LRMDA: variants seen among roughly 807,000 people sequenced by gnomAD.
The protein encoded by LRMDA is leucine-rich melanocyte differentiation-associated protein.
A neutral mutation model predicts 29.8 loss-of-function variants in LRMDA; 18 were observed. That is an observed-to-expected ratio of 0.60 (90% CI 0.42 to 0.90). LRMDA has a LOEUF of 0.90. Ranked by LOEUF, LRMDA falls within the 40% of genes least tolerant of loss-of-function variation. The pLI, the probability that LRMDA is intolerant of heterozygous loss-of-function variation, is 0.00. For synonymous variants in LRMDA, 125 were observed against 109.4 expected (o/e 1.14, Z -0.89); for missense variants, 273 against 273.9 (o/e 1.00, Z 0.02).
chr10:75,833,849 A>G lies in LRMDA; in HGVS notation c.132-202159A>G, dbSNP rs145682014. On this transcript the variant is annotated intron_variant, in intron 2 of 6. Coordinates refer to ENST00000611255, the MANE Select transcript of LRMDA (RefSeq NM_001305581.2). ...TTATAGACATTCCATTTTAAAAGGG[A>G]TACAGTGAAAGGGAAAAGGAGTCAG... Among the ~76,000 whole-genome samples the G allele has an allele frequency of 2.4e-3, 362 of 152,248 alleles. 3 individuals carry two copies. Among genetic ancestry groups the G allele is most frequent in the African/African-American group, 8.4e-3 (349 of 41,542 alleles).
chr10:76,007,343 G>A (rs1185852999), intron 2 of LRMDA, among the ~76,000 whole-genome samples: 4 of 151,888 alleles, frequency 2.6e-5, no homozygotes, highest in Non-Finnish European at 5.9e-5. Flanking sequence ...CATCCTTTAG[G>A]AGACCGCTGT....
chr10:75,732,277 T>C (rs750950333), intron 2 of LRMDA, among the ~76,000 whole-genome samples: 2 of 152,168 alleles, frequency 1.3e-5, no homozygotes, highest in Non-Finnish European at 2.9e-5. Flanking sequence ...AGCATGCCTA[T>C]GTTTGGAAAG....
intron 2 of LRMDA, among the ~76,000 whole-genome samples, chr10:75,550,389 A>G (rs1041401082): frequency 6.6e-6 from 1 of 152,168 alleles, no homozygotes; most frequent in African/African-American, 2.4e-5. Context: ...ATGCATACAT[A>G]TACATTAGTT....
At chr10:75,443,562 G>A (rs148271880) in intron 2 of LRMDA, among the ~76,000 whole-genome samples, 1 of 152,142 alleles carries the variant, frequency 6.6e-6, no homozygotes, top group Non-Finnish European at 1.5e-5. Flanking sequence ...AATCCCACTT[G>A]ATGATGGTGC....
chr10:75,874,575 C>T (rs1248505736), intron 2 of LRMDA, among the ~76,000 whole-genome samples: 1 of 152,022 alleles, frequency 6.6e-6, no homozygotes, highest in Non-Finnish European at 1.5e-5. Flanking sequence ...AAACTGAGGC[C>T]CAAGGATTTT....
At chr10:76,506,284 T>G (rs371867687) in intron 6 of LRMDA, among the ~76,000 whole-genome samples, 8 of 152,310 alleles carry the variant, frequency 5.3e-5, no homozygotes, top group Admixed American at 2.6e-4. Context: ...TCTTGGCCAA[T>G]TTAATATAAT....
At chr10:75,910,274 G>T (rs1332166142) in intron 2 of LRMDA, among the ~76,000 whole-genome samples, 1 of 152,120 alleles carries the variant, frequency 6.6e-6, no homozygotes, top group African/African-American at 2.4e-5. Flanking sequence ...AGATGAGTTG[G>T]AATAACATCA....
intron 2 of LRMDA, among the ~76,000 whole-genome samples, chr10:75,630,752 C>A (rs1015277191): frequency 2.6e-5 from 4 of 152,230 alleles, no homozygotes; most frequent in Non-Finnish European, 5.9e-5. Flanking sequence ...GCAGTCTTCT[C>A]TTCATTTCTC....
At chr10:76,404,603 C>T (rs1351725750) in intron 6 of LRMDA, among the ~76,000 whole-genome samples, 1 of 152,172 alleles carries the variant, frequency 6.6e-6, no homozygotes, top group African/African-American at 2.4e-5. Context: ...AGTCTGTTCC[C>T]TTGCTATATT....
Position 76,343,813 on chromosome 10 carries a change from A to ATTTT in LRMDA, c.601+19345_601+19348dup, listed in dbSNP as rs5786231. On this transcript the variant is annotated intron_variant, in intron 6 of 6. Coordinates refer to ENST00000611255, the MANE Select transcript of LRMDA (RefSeq NM_001305581.2). Reference sequence around the variant, plus strand: ...TATAAAAGTTTCATGTTTACAGGTGATTTTTTTTTTTTTTTTTTTTGTGAG... The same window carrying ATTTT: ...TATAAAAGTTTCATGTTTACAGGTGATTTTTTTTTTTTTTTTTTTTTTTTGTGAG... Among the ~76,000 whole-genome samples the ATTTT allele has an allele frequency of 2.1e-4, 26 of 126,636 alleles. No homozygotes were observed. In the South Asian group the frequency reaches 2.1e-3, roughly 10 times the overall value. 83.1% of individuals were successfully genotyped at this position (126,636 alleles called of 152,430 possible). A position where few individuals can be genotyped will look rare whatever the true frequency, so the allele number is the denominator to read the frequency against.
chr10:76,347,614 C>A (rs376400994), intron 6 of LRMDA, among the ~76,000 whole-genome samples: 4 of 152,110 alleles, frequency 2.6e-5, no homozygotes, highest in Admixed American at 6.5e-5. Context: ...GGAAAATAGA[C>A]CCCTAAAAAT....
At chr10:76,547,488 TGCC>T (rs925334428) in intron 6 of LRMDA, among the ~76,000 whole-genome samples, 10 of 151,882 alleles carry the variant, frequency 6.6e-5, no homozygotes, top group South Asian at 2.1e-4. Context: ...CCTGAATAGT[TGCC>T]GCCATTTATT....
At chr10:75,479,717 G>A (rs897526106) in intron 2 of LRMDA, among the ~76,000 whole-genome samples, 33 of 148,160 alleles carry the variant, frequency 2.2e-4, no homozygotes, top group Middle Eastern at 3.5e-3. Context: ...AGTGAGGAGA[G>A]TTGGCCAAGT....
At chr10:75,489,226 T>TAAAAAA (rs33952475) in intron 2 of LRMDA, among the ~76,000 whole-genome samples, 5 of 132,074 alleles carry the variant, frequency 3.8e-5, no homozygotes, top group Non-Finnish European at 7.9e-5. Context: ...GGATTTTTAG[T>TAAAAAA]AAAAAAAAAA....
intron 2 of LRMDA, among the ~76,000 whole-genome samples, chr10:75,763,698 A>ATT (rs58980040): frequency 2.2e-4 from 31 of 141,856 alleles, no homozygotes; most frequent in Admixed American, 1.8e-3. Flanking sequence ...AATCAGGACA[A>ATT]TTTTTTTTTT....
intron 6 of LRMDA, among the ~76,000 whole-genome samples, chr10:76,549,019 C>A (rs1372942463): frequency 1.3e-5 from 2 of 152,170 alleles, no homozygotes; most frequent in Non-Finnish European, 2.9e-5. Flanking sequence ...CTTGGACCAG[C>A]TTTTCCATTT....
chr10:75,458,333 C>T (rs1182437384), intron 2 of LRMDA, among the ~76,000 whole-genome samples: 1 of 152,100 alleles, frequency 6.6e-6, no homozygotes, highest in Non-Finnish European at 1.5e-5. Flanking sequence ...AAAGTTAGGG[C>T]TCTGTGGGGG....
intron 2 of LRMDA, among the ~76,000 whole-genome samples, chr10:75,894,448 T>C (rs1322231346): frequency 6.6e-6 from 1 of 152,238 alleles, no homozygotes; most frequent in African/African-American, 2.4e-5. Context: ...TTTAGGTTGG[T>C]TCCATGATTT....
At chr10:75,565,007 C>T (rs1043191788) in intron 2 of LRMDA, among the ~76,000 whole-genome samples, 3 of 152,128 alleles carry the variant, frequency 2.0e-5, no homozygotes, top group Admixed American at 6.5e-5. Flanking sequence ...TTTAATATCC[C>T]TTGGGTCCTC....
Sources: allele counts gnomAD v4.1 joint callset (sites outside exome capture counted in the v4.1 genomes callset), GRCh38; gene constraint gnomAD v4.1.1; transcripts MANE v1.5; gene names NCBI Gene and HGNC (gene_info 2026-07-23, HGNC 2026-07-21).